AMBRA1: variants seen among roughly 807,000 people sequenced by gnomAD.
The protein encoded by AMBRA1 is autophagy and beclin 1 regulator 1.
A neutral mutation model predicts 125.4 loss-of-function variants in AMBRA1; 47 were observed. The observed-to-expected ratio is 0.37, with a 90% confidence interval of 0.30 to 0.48. The LOEUF (loss-of-function observed/expected upper bound fraction) is 0.48. Ranked by LOEUF, AMBRA1 falls within the 20% of genes least tolerant of loss-of-function variation. The pLI is 0.99. For synonymous variants in AMBRA1, 626 were observed against 655.5 expected (o/e 0.95, Z 0.69); for missense variants, 1,331 against 1,693.4 (o/e 0.79, Z 3.76).
At chr11:46,406,299 C>T (rs1946014895) in intron 17 of AMBRA1, among the ~76,000 whole-genome samples, 1 of 150,476 alleles carries the variant, frequency 6.6e-6, no homozygotes, top group Non-Finnish European at 1.5e-5. Flanking sequence ...GTGATCTGCC[C>T]ACCTCGGCCT....
At chr11:46,562,329 T>TA (rs1167535571) in intron 1 of AMBRA1, among the ~76,000 whole-genome samples, 1 of 152,208 alleles carries the variant, frequency 6.6e-6, no homozygotes, top group Non-Finnish European at 1.5e-5. Flanking sequence ...GGAGCACCAC[T>TA]AACAAGGAAG....
chr11:46,593,111 A>G (rs1461319379), intron 1 of AMBRA1, among the ~76,000 whole-genome samples: 3 of 152,214 alleles, frequency 2.0e-5, no homozygotes, highest in Non-Finnish European at 4.4e-5. Context: ...AAGAAACCAC[A>G]TGGTTCCTTT....
intron 17 of AMBRA1, among the ~76,000 whole-genome samples, chr11:46,406,419 G>T: frequency 1.4e-5 from 2 of 139,678 alleles, no homozygotes; most frequent in Admixed American, 7.2e-5. Flanking sequence ...GCTCACACCT[G>T]TAACTCCAGC....
chr11:46,461,324 A>G (rs1290664270), intron 11 of AMBRA1, among the ~76,000 whole-genome samples: 2 of 152,244 alleles, frequency 1.3e-5, no homozygotes, highest in African/African-American at 2.4e-5. Context: ...CAAAATGTCA[A>G]TAACTATTAA....
chr11:46,549,834 T>C (rs992052443), intron 1 of AMBRA1, among the ~76,000 whole-genome samples: 7 of 149,966 alleles, frequency 4.7e-5, no homozygotes, highest in African/African-American at 1.7e-4. Flanking sequence ...TTGGGGGGGG[T>C]GGGGGACAGA....
chr11:46,591,194 C>T (rs1463659656), intron 1 of AMBRA1: 1 of 152,176 alleles, frequency 6.6e-6, no homozygotes, highest in Non-Finnish European at 1.5e-5. Flanking sequence ...CTAAATTCTA[C>T]GCAGAACTTA....
At position 46,594,017 on chromosome 11, in the gene AMBRA1, C is replaced by CAAG. The variant is rs1387369719; in HGVS notation, c.-313_-311dup. The CAAG allele has an allele frequency of 2.5e-6, 1 of 398,646 alleles. No individual in the cohort carries two copies. Among genetic ancestry groups the CAAG allele is most frequent in the African/African-American group, 2.1e-5 (1 of 48,760 alleles). The allele number at this position is 398,646 out of a possible 1,614,324, so 24.7% of individuals were successfully genotyped here. A position where few individuals can be genotyped will look rare whatever the true frequency, so the allele number is the denominator to read the frequency against. ...CCGCCGCCGCTCAGGAGACATCAAG[C>CAAG]AAGAAGACGGCGCAAAAGATCACCG... On this transcript the variant is annotated 5_prime_UTR_variant, in exon 1 of 18. Coordinates refer to ENST00000683756, the MANE Select transcript of AMBRA1 (RefSeq NM_001387011.1).
chr11:46,418,155 G>T, intron 14 of AMBRA1, 103 bp from the exon 15 acceptor site: 3 of 1,189,610 alleles, frequency 2.5e-6, no homozygotes, highest in East Asian at 3.1e-5. Context: ...GAGGAAAGGA[G>T]GTGGTTAGGC....
chr11:46,406,305 G>A (rs111449880), intron 17 of AMBRA1, among the ~76,000 whole-genome samples: 27,232 of 144,374 alleles, frequency 0.19, 2,885 homozygotes, highest in African/African-American at 0.29. Context: ...TGCCCACCTC[G>A]GCCTCCCAAA....
intron 11 of AMBRA1, among the ~76,000 whole-genome samples, chr11:46,473,371 C>A (rs1949680970): frequency 6.6e-6 from 1 of 152,166 alleles, no homozygotes. Flanking sequence ...GTGCCAGGAA[C>A]TTTAGGTGTG....
chr11:46,502,087 T>C (rs2135011417), intron 9 of AMBRA1, among the ~76,000 whole-genome samples: 1 of 152,294 alleles, frequency 6.6e-6, no homozygotes, highest in African/African-American at 2.4e-5. Flanking sequence ...TTTCTTTTTT[T>C]TTGTTTTAAT....
chr11:46,488,974 C>G (rs1267978531), intron 11 of AMBRA1, among the ~76,000 whole-genome samples: 7 of 152,156 alleles, frequency 4.6e-5, no homozygotes, highest in African/African-American at 1.7e-4. Context: ...GAGATCTTGG[C>G]TCACTGCAAG....
At chr11:46,479,714 A>C (rs1306094403) in intron 11 of AMBRA1, among the ~76,000 whole-genome samples, 1 of 152,190 alleles carries the variant, frequency 6.6e-6, no homozygotes, top group African/African-American at 2.4e-5. Context: ...ACCCTGAGAC[A>C]CTATGTGAAG....
chr11:46,485,336 G>A (rs1308613839), intron 11 of AMBRA1, among the ~76,000 whole-genome samples: 1 of 152,148 alleles, frequency 6.6e-6, no homozygotes, highest in Non-Finnish European at 1.5e-5. Context: ...ACTTACTCAC[G>A]CTTATAGTCC....
intron 7 of AMBRA1, chr11:46,530,648 C>T (rs951560157): frequency 6.6e-6 from 1 of 152,182 alleles, no homozygotes; most frequent in Non-Finnish European, 1.5e-5. Flanking sequence ...CTCTTTGGGG[C>T]CCTCATTGTC....
intron 12 of AMBRA1, among the ~76,000 whole-genome samples, chr11:46,441,504 ACT>A (rs1470103203): frequency 2.0e-5 from 3 of 151,818 alleles, no homozygotes; most frequent in Non-Finnish European, 2.9e-5. Context: ...ACAGAGCAAG[ACT>A]CTGTTTCAGA....
intron 7 of AMBRA1, among the ~76,000 whole-genome samples, chr11:46,517,071 T>C (rs781265017): frequency 2.0e-5 from 3 of 152,058 alleles, no homozygotes; most frequent in Non-Finnish European, 4.4e-5. Flanking sequence ...ATTTGATCCA[T>C]TGGACAGCAA....
At chr11:46,568,025 G>A (rs1591145601) in intron 1 of AMBRA1, among the ~76,000 whole-genome samples, 1 of 152,108 alleles carries the variant, frequency 6.6e-6, no homozygotes, top group East Asian at 1.9e-4. Flanking sequence ...GCACATGCCT[G>A]TAATTCCAGA....
At chr11:46,551,079 G>A (rs1319186539) in intron 1 of AMBRA1, among the ~76,000 whole-genome samples, 3 of 145,980 alleles carry the variant, frequency 2.1e-5, no homozygotes, top group Non-Finnish European at 4.5e-5. Context: ...CCTGGGCGAC[G>A]GAGTGAGACT....
Sources: allele counts gnomAD v4.1 joint callset (sites outside exome capture counted in the v4.1 genomes callset), GRCh38; gene constraint gnomAD v4.1.1; transcripts MANE v1.5; gene names NCBI Gene and HGNC (gene_info 2026-07-23, HGNC 2026-07-21).